The following CTR9 variants were observed in gnomAD, a reference collection of about 807,000 sequenced individuals.
CTR9 encodes RNA polymerase-associated protein CTR9 homolog.
A neutral mutation model predicts 152.1 loss-of-function variants in CTR9; 41 were observed. The observed-to-expected ratio is 0.27, with a 90% CI of 0.21 to 0.35. CTR9 has a LOEUF of 0.35. Ranked by LOEUF, CTR9 falls within the 10% of genes least tolerant of loss-of-function variation. The pLI is 1.00. For synonymous variants in CTR9, 476 were observed against 496.2 expected (o/e 0.96, Z 0.54); for missense variants, 917 against 1,424.4 (o/e 0.64, Z 5.73).
chr11:10,777,810 C>G (rs528072030), intron 24 of CTR9, among the ~76,000 whole-genome samples: 6 of 152,358 alleles, frequency 3.9e-5, no homozygotes, highest in African/African-American at 1.4e-4. Flanking sequence ...TCACCTCCCT[C>G]ACCGTTCCTA....
At position 10,775,217 on chromosome 11, in the gene CTR9, G is replaced by A. The variant is rs1427475448; in HGVS notation, c.2896G>A (p.Gly966Arg). Residue 966 changes from glycine to arginine, a missense_variant, in exon 23 of 25, where the codon GGA (glycine) becomes AGA (arginine). Transcript: ENST00000361367. ...TGTTCACTATTTAAGACATCCAAAG[G>A]GAGAAGAAGGATCTGATGATGATGA... ...KKKKRRRHPK[G>R]EEGSDDDETE... is the part of the protein sequence containing the mutation. The A allele has an allele frequency of 3.1e-6, 5 of 1,613,630 alleles. No individual in the cohort carries two copies. In the South Asian group the frequency reaches 5.5e-5, roughly 18 times the overall value.
At chr11:10,772,449 G>A (rs1863159086) in intron 19 of CTR9, 71 bp from the exon 20 acceptor site, 3 of 1,262,226 alleles carry the variant, frequency 2.4e-6, no homozygotes, top group Non-Finnish European at 2.1e-6. Flanking sequence ...ATTTGTATAA[G>A]GAAAATAGAT....
At chr11:10,770,409 A>C (rs1863125371) in intron 17 of CTR9, 78 bp from the exon 18 acceptor site, 4 of 1,573,388 alleles carry the variant, frequency 2.5e-6, no homozygotes, top group African/African-American at 1.4e-5. Context: ...TCACATACCT[A>C]CTACTTAATA....
rs898948443 is a variant in CTR9 at position 10,775,814 on chromosome 11, G to A, written c.3095+181G>A. 9.2e-5 allele frequency among the ~76,000 whole-genome samples: 14 copies of A among 152,152 alleles called. 1 individual carries two copies. The highest frequency in any genetic ancestry group is 3.3e-4 in the Admixed American group (5 of 15,266). On this transcript the variant is annotated intron_variant, in intron 24 of 24. Transcript: ENST00000361367. ...AGATAACTGGGAGTGTTGCTGTGCCGAAATGGCTTCTCCCCAGCTTCTTAG... is the reference window on the plus strand; with the variant it reads ...AGATAACTGGGAGTGTTGCTGTGCCAAAATGGCTTCTCCCCAGCTTCTTAG...
Position 10,771,534 on chromosome 11 carries a change from G to A in CTR9, c.2373-11G>A, listed in dbSNP as rs368949781. On this transcript the variant is annotated splice_polypyrimidine_tract_variant and intron_variant, in intron 18 of 24. Transcript: ENST00000361367. Reference sequence around the variant, plus strand: ...TTTTTTAAAAGTGAAGTATTTTCTCGTTTCATTTAGATACTTCAGTTATTT... The same window carrying A: ...TTTTTTAAAAGTGAAGTATTTTCTCATTTCATTTAGATACTTCAGTTATTT... The A allele has an allele frequency of 4.5e-5, 70 of 1,570,924 alleles. No homozygotes were observed. The highest frequency in any genetic ancestry group is 4.3e-4 in the South Asian group (38 of 89,188).
intron 16 of CTR9, among the ~76,000 whole-genome samples, chr11:10,769,235 A>T (rs1039959074): frequency 1.3e-5 from 2 of 152,196 alleles, no homozygotes; most frequent in African/African-American, 4.8e-5. Context: ...AAAAAAAAGA[A>T]AAAAGAAAAC....
rs117362359 is a variant in CTR9, at chr11:10,776,616, A to G, written c.3095+983A>G. Among the ~76,000 whole-genome samples the G allele has an allele frequency of 1.4e-3, 214 of 152,332 alleles. 1 individual carries two copies. Among genetic ancestry groups the G allele is most frequent in the Non-Finnish European group, 2.3e-3 (155 of 68,032 alleles). On this transcript the variant is annotated intron_variant, in intron 24 of 24. Coordinates refer to ENST00000361367, the MANE Select transcript of CTR9 (RefSeq NM_014633.5). ...TGCTGGGAATACAGAGAGAAAAGAT[A>G]GGCCCATAAATTCTCCAAGGAATTT...
rs200410590 is a variant in CTR9 at position 10,773,552 on chromosome 11, T to TA, written c.2727+279_2727+280insA. On this transcript the variant is annotated intron_variant, in intron 21 of 24. Transcript: ENST00000361367. Reference sequence around the variant, plus strand: ...ACTTTCGTCTCAATTAGAAGTCTAATTGGGCCTAGCCAAGAACCTCTTCCA... The same window carrying TA: ...ACTTTCGTCTCAATTAGAAGTCTAATATGGGCCTAGCCAAGAACCTCTTCCA... Among the ~76,000 whole-genome samples the TA allele has an allele frequency of 7.5e-3, 1,142 of 152,288 alleles. 16 individuals carry two copies. The highest frequency in any genetic ancestry group is 0.026 in the African/African-American group (1,091 of 41,558).
At chr11:10,775,186 T>C (rs1314799392) in intron 22 of CTR9, 21 bp from the exon 23 acceptor site, 1 of 1,589,508 alleles carries the variant, frequency 6.3e-7, no homozygotes, top group South Asian at 1.1e-5. Context: ...ACAAACTCTC[T>C]CTTGGTGTTC....
rs1035220551 is a variant in CTR9 at position 10,762,155 on chromosome 11, AT to A, written c.849+107del. On this transcript the variant is annotated intron_variant, in intron 7 of 24. Transcript: ENST00000361367. ...TTGGAAAGAAATTTGAAAATGTCAG[AT>A]TTTTTCCCCCCTCCAAATTATAGAG... 5.8e-5 allele frequency: 43 copies of A among 740,042 alleles called. No individual in the cohort carries two copies. The East Asian group carries it at 6.4e-4, about 11-fold the overall frequency. The allele number at this position is 740,042 out of a possible 1,614,324, so 45.8% of individuals were successfully genotyped here.
At chr11:10,766,189 G>A (rs1048683821) in intron 12 of CTR9, 2 of 518,820 alleles carry the variant, frequency 3.9e-6, no homozygotes, top group African/African-American at 4.0e-5. Context: ...AGTGGCAGAG[G>A]TAAGTCTTAG....
In CTR9 at chr11:10,766,412, C is replaced by G; in HGVS notation, c.1608C>G (p.Arg536=). 1 of 1,609,030 alleles carries G rather than the reference C, an allele frequency of 6.2e-7. No individual in the cohort carries two copies. The highest frequency in any genetic ancestry group is 8.5e-7 in the Non-Finnish European group (1 of 1,178,588). The change falls in exon 13 of 25, where the codon CGC becomes CGG. Residue 536 remains arginine (R), a synonymous_variant. Coordinates refer to ENST00000361367, the MANE Select transcript of CTR9 (RefSeq NM_014633.5). ...EHPNYVDCYL[R]LGAMARDKGN... ...TAAATATGTTTTCAGGCTATTTGCG[C>G]CTAGGAGCCATGGCTAGAGATAAGG...
In CTR9 at chr11:10,767,696, T is replaced by G. The variant is rs1194738937; in HGVS notation, c.1687-110T>G. ...AAAGAAAGAAAAGAAAGAAAACCAC[T>G]GTTGTAATATAGTTTGTAAACCTCT... On this transcript the variant is annotated intron_variant, in intron 13 of 24. Transcript: ENST00000361367. This position sits in a 1 kb window ranked among gnomAD's most constrained non-coding sequence, Gnocchi z 4.0. 2.2e-6 allele frequency: 2 copies of G among 889,788 alleles called. No homozygotes were observed. The highest frequency in any genetic ancestry group is 1.7e-5 in the African/African-American group (1 of 58,880). The allele number at this position is 889,788 out of a possible 1,614,324, so 55.1% of individuals were successfully genotyped here. A position where few individuals can be genotyped will look rare whatever the true frequency, so the allele number is the denominator to read the frequency against.
Position 10,759,991 on chromosome 11 carries a change from A to G in CTR9, c.593-182A>G, listed in dbSNP as rs75780861. On this transcript the variant is annotated intron_variant, in intron 5 of 24. Transcript: ENST00000361367. ...CAGTGATAGAGGAGAGGGTTGGAAT[A>G]TGGTATGATGTAGCCTCCAAGGAAA... Among the ~76,000 whole-genome samples the G allele has an allele frequency of 7.7e-3, 1,180 of 152,310 alleles. 18 individuals are homozygous for G. The highest frequency in any genetic ancestry group is 0.027 in the African/African-American group (1,127 of 41,562).
chr11:10,776,486 A>G (rs1201997515), intron 24 of CTR9, among the ~76,000 whole-genome samples: 1 of 152,168 alleles, frequency 6.6e-6, no homozygotes, highest in Non-Finnish European at 1.5e-5. Flanking sequence ...TGGATTTCTC[A>G]ACCAGGTCTC....
intron 7 of CTR9, 28 bp downstream of exon 7, chr11:10,762,082 A>T: frequency 7.1e-7 from 1 of 1,412,648 alleles, no homozygotes; most frequent in Non-Finnish European, 9.7e-7. Flanking sequence ...TTAAATTCTG[A>T]TTTTTGTTTT....
At position 10,756,733 on chromosome 11, in the gene CTR9, T is replaced by G; in HGVS notation, c.503-16T>G. The G allele has an allele frequency of 6.3e-7, 1 of 1,587,812 alleles. No homozygotes were observed. The highest frequency in any genetic ancestry group is 2.2e-5 in the East Asian group (1 of 44,666). ...CTTTAATCAGACACTGTGTTTATTTTTAAAAATCATTACAGGTAAAGCTTG... is the reference window on the plus strand; with the variant it reads ...CTTTAATCAGACACTGTGTTTATTTGTAAAAATCATTACAGGTAAAGCTTG... On this transcript the variant is annotated splice_polypyrimidine_tract_variant and intron_variant, in intron 4 of 24. Coordinates refer to ENST00000361367, the MANE Select transcript of CTR9 (RefSeq NM_014633.5).
intron 2 of CTR9, among the ~76,000 whole-genome samples, chr11:10,753,919 A>G (rs1243665710): frequency 6.6e-6 from 1 of 152,154 alleles, no homozygotes; most frequent in Non-Finnish European, 1.5e-5. Context: ...TTCTGAGCAT[A>G]TGTCCTCATT....
At chr11:10,755,529 T>A (rs528200367) in intron 3 of CTR9, 149 bp from the exon 4 acceptor site, 3 of 581,096 alleles carry the variant, frequency 5.2e-6, no homozygotes, top group Non-Finnish European at 9.1e-6. Context: ...TATTTTGTAA[T>A]TAAGAATTGC....
Sources: allele counts gnomAD v4.1 joint callset (sites outside exome capture counted in the v4.1 genomes callset), GRCh38; gene constraint gnomAD v4.1.1; non-coding constraint Gnocchi (gnomAD v3.1); transcripts MANE v1.5; gene names NCBI Gene and HGNC (gene_info 2026-07-23, HGNC 2026-07-21).